The following CHD6 variants were observed in gnomAD, a reference collection of about 807,000 sequenced individuals.
CHD6 encodes the protein ATP-dependent chromatin remodeler CHD6.
In CHD6, 50 loss-of-function variants were observed where a neutral mutation model predicts 276.9. The observed-to-expected ratio is 0.18, with a 90% CI of 0.14 to 0.23. The LOEUF is 0.23. CHD6 is among the 10% of genes least tolerant of loss of function. CHD6 has a pLI of 1.00. For missense variants in CHD6, 2,564 were observed against 3,365.8 expected, an observed-to-expected ratio of 0.76 and a Z score of 5.89; for synonymous variants, 1,173 against 1,229.3, an observed-to-expected ratio of 0.95 and a Z score of 0.96.
At position 41,510,014 on chromosome 20, in the gene CHD6, C is replaced by T. The variant is rs558397517; in HGVS notation, c.852+2832G>A. ...CCAGCAGTCACAGAATTGCGTTGAG[C>T]ACACTGAGAAGATACTGCACAGATC... On this transcript the variant is annotated intron_variant, in intron 5 of 36. Transcript: ENST00000373233. 8.0e-4 allele frequency among the ~76,000 whole-genome samples: 122 copies of T among 152,258 alleles called. 1 individual carries two copies. Among genetic ancestry groups the T allele is most frequent in the African/African-American group, 2.7e-3 (112 of 41,568 alleles).
At chr20:41,513,410 T>C (rs150587403) in intron 4 of CHD6, among the ~76,000 whole-genome samples, 1 of 152,226 alleles carries the variant, frequency 6.6e-6, no homozygotes, top group African/African-American at 2.4e-5. Context: ...GATGACAGTT[T>C]TATTGTTTTT....
intron 1 of CHD6, among the ~76,000 whole-genome samples, chr20:41,605,103 T>A (rs6102492): frequency 0.39 from 59,005 of 151,966 alleles, 14,387 homozygotes; most frequent in African/African-American, 0.67. Flanking sequence ...GAAGCATTAC[T>A]GTGTCTGTAA....
chr20:41,615,176 T>C (rs752556288), intron 1 of CHD6, among the ~76,000 whole-genome samples: 50 of 152,216 alleles, frequency 3.3e-4, no homozygotes, highest in Non-Finnish European at 6.5e-4. Context: ...TGGCCTTTAA[T>C]AAATTACTTC....
At position 41,533,081 on chromosome 20, in the gene CHD6, A is replaced by T; in HGVS notation, c.523T>A (p.Ser175Thr). 2 of 1,605,128 alleles carry T rather than the reference A, an allele frequency of 1.2e-6. No individual in the cohort carries two copies. Among genetic ancestry groups the T allele is most frequent in the Non-Finnish European group, 1.7e-6 (2 of 1,177,426 alleles). Residue 175 changes from serine to threonine, a missense_variant, in exon 3 of 37, where the codon TCT (serine) becomes ACT (threonine). Ser to Thr is a moderately conservative substitution (Grantham distance 58, BLOSUM62 1). Coordinates refer to ENST00000373233, the MANE Select transcript of CHD6 (RefSeq NM_032221.5). The stretch of plus-strand genomic sequence containing the variant: ...TTCCTGGACTTCGTCCTGGCTGCAG[A>T]GTCAGTGCAGCTCCTCTTCTCTTTG... ...EAKEKRSCTD[S>T]AARTKSRKAS...
rs145242822 is a variant in CHD6 at position 41,435,363 on chromosome 20, G to C, written c.4068+1911C>G. ...GTAATTCCAGCTCTTTGGGAGGCCG[G>C]GGAGGGAGGATTGCTTGAACTCAGG... is the stretch of plus-strand genomic sequence containing the variant. On this transcript the variant is annotated intron_variant, in intron 27 of 36. Coordinates refer to ENST00000373233, the MANE Select transcript of CHD6 (RefSeq NM_032221.5). Among the ~76,000 whole-genome samples the C allele has an allele frequency of 3.5e-3, 537 of 152,194 alleles. 1 individual carries two copies. Among genetic ancestry groups the C allele is most frequent in the African/African-American group, 0.012 (507 of 41,540 alleles).
Position 41,503,859 on chromosome 20 carries a change from A to T in CHD6, c.853-4502T>A, listed in dbSNP as rs552054557. Among the ~76,000 whole-genome samples, 39 of 151,998 alleles carry T rather than the reference A, an allele frequency of 2.6e-4. No homozygotes were observed. In the South Asian group the frequency reaches 7.9e-3, roughly 31 times the overall value. On this transcript the variant is annotated intron_variant, in intron 5 of 36. Coordinates refer to ENST00000373233, the MANE Select transcript of CHD6 (RefSeq NM_032221.5). ...TTAGGAGGCCGAAGTGGGTGGATCA[A>T]CTGAGGTCAGGAGTTTGAGACCAGC...
At chr20:41,467,518 T>C (rs2042948913) in intron 17 of CHD6, among the ~76,000 whole-genome samples, 2 of 124,858 alleles carry the variant, frequency 1.6e-5, no homozygotes, top group Admixed American at 2.0e-4. Flanking sequence ...ACATTTGGGG[T>C]GGACAAAAGC....
At chr20:41,472,968 A>T in intron 17 of CHD6, 1 of 200,826 alleles carries the variant, frequency 5.0e-6, no homozygotes, top group Non-Finnish European at 1.0e-5. Context: ...CATCTTAACC[A>T]ACAAACTGAG....
chr20:41,435,708 T>G (rs2047686380), intron 27 of CHD6, among the ~76,000 whole-genome samples: 1 of 152,054 alleles, frequency 6.6e-6, no homozygotes, highest in South Asian at 2.1e-4. Context: ...TATAAAGGTT[T>G]AAAGCAATGC....
intron 1 of CHD6, among the ~76,000 whole-genome samples, chr20:41,610,268 G>A (rs1488492847): frequency 1.3e-5 from 2 of 151,948 alleles, no homozygotes; most frequent in African/African-American, 4.8e-5. Flanking sequence ...TGATTTTTAG[G>A]AGTTTAAAAT....
chr20:41,499,874 T>A (rs891436982), intron 5 of CHD6, among the ~76,000 whole-genome samples: 2 of 152,158 alleles, frequency 1.3e-5, no homozygotes, highest in African/African-American at 4.8e-5. Context: ...TCACATACTA[T>A]TCAAAATCAA....
At chr20:41,541,236 A>T (rs752635323) in intron 2 of CHD6, among the ~76,000 whole-genome samples, 1 of 152,042 alleles carries the variant, frequency 6.6e-6, no homozygotes, top group Non-Finnish European at 1.5e-5. Context: ...CCCGACTCAT[A>T]ATGGTTTGAT....
intron 16 of CHD6, among the ~76,000 whole-genome samples, chr20:41,475,957 A>G (rs568601897): frequency 1.3e-5 from 2 of 152,344 alleles, no homozygotes; most frequent in Non-Finnish European, 1.5e-5. Context: ...ATAATTCTCT[A>G]TCACTTGTTT....
At chr20:41,444,620 T>C (rs1057462969) in intron 25 of CHD6, among the ~76,000 whole-genome samples, 1 of 152,222 alleles carries the variant, frequency 6.6e-6, no homozygotes, top group Non-Finnish European at 1.5e-5. Flanking sequence ...GGTTAGCCTG[T>C]AAAAGTTGAA....
intron 1 of CHD6, among the ~76,000 whole-genome samples, chr20:41,563,419 T>C (rs944549104): frequency 4.6e-5 from 7 of 152,198 alleles, no homozygotes; most frequent in African/African-American, 1.7e-4. Context: ...AGGTATAAAC[T>C]AAGGAAGCTT....
At chr20:41,408,739 G>C (rs2046757048) in intron 36 of CHD6, among the ~76,000 whole-genome samples, 1 of 152,194 alleles carries the variant, frequency 6.6e-6, no homozygotes, top group African/African-American at 2.4e-5. Flanking sequence ...CATAACTCCA[G>C]AGAGAGGGGG....
At chr20:41,503,094 T>C (rs1337259215) in intron 5 of CHD6, among the ~76,000 whole-genome samples, 1 of 152,202 alleles carries the variant, frequency 6.6e-6, no homozygotes, top group Non-Finnish European at 1.5e-5. Context: ...CATAGCTATG[T>C]TTTTAGCATA....
At chr20:41,455,015 A>C (rs2048341023) in intron 19 of CHD6, among the ~76,000 whole-genome samples, 1 of 152,190 alleles carries the variant, frequency 6.6e-6, no homozygotes, top group Non-Finnish European at 1.5e-5. Context: ...AGACAATGGC[A>C]ATGTGACACT....
At chr20:41,487,566 C>A (rs1278786747) in intron 14 of CHD6, 99 bp downstream of exon 14, 3 of 1,158,530 alleles carry the variant, frequency 2.6e-6, no homozygotes, top group Non-Finnish European at 3.7e-6. Context: ...TTACCAGGAA[C>A]GTGACAACTT....
Sources: allele counts gnomAD v4.1 joint callset (sites outside exome capture counted in the v4.1 genomes callset), GRCh38; gene constraint gnomAD v4.1.1; transcripts MANE v1.5; gene names NCBI Gene and HGNC (gene_info 2026-07-23, HGNC 2026-07-21).